The following PDE7B variants were observed in gnomAD, a reference collection of about 807,000 sequenced individuals.
The protein encoded by PDE7B is 3',5'-cyclic-AMP phosphodiesterase 7B.
A neutral mutation model predicts 56.2 loss-of-function variants in PDE7B; 29 were observed. The ratio of observed to expected loss-of-function variants is 0.52; its 90% CI spans 0.38 to 0.70. The LOEUF (loss-of-function observed/expected upper bound fraction) is 0.70, where lower values mean the gene tolerates loss of function less well. PDE7B is among the 30% of genes least tolerant of loss of function. The pLI, the probability that PDE7B is intolerant of heterozygous loss-of-function variation, is 0.00. For missense variants in PDE7B, 490 were observed against 565.0 expected (o/e 0.87, Z 1.35); for synonymous variants, 197 against 196.9 (o/e 1.00, Z 0.00).
At chr6:136,145,821 A>T (rs768701378) in intron 3 of PDE7B, among the ~76,000 whole-genome samples, 1 of 151,958 alleles carries the variant, frequency 6.6e-6, no homozygotes, top group Non-Finnish European at 1.5e-5. Flanking sequence ...GGACTTTTTG[A>T]TCCTTTTCTC....
At chr6:136,151,626 T>A (rs80140419) in intron 6 of PDE7B, among the ~76,000 whole-genome samples, 4,195 of 138,756 alleles carry the variant, frequency 0.03, 78 homozygotes, top group Non-Finnish European at 0.044. Context: ...GTATTATGTA[T>A]TGTATTCTTA....
chr6:135,857,588 G>A (rs999180709), intron 1 of PDE7B, among the ~76,000 whole-genome samples: 5 of 151,998 alleles, frequency 3.3e-5, no homozygotes, highest in South Asian at 2.1e-4. Flanking sequence ...GGTACCAAAC[G>A]GTCAGTGTTT....
At chr6:136,074,852 G>A (rs916763063) in intron 2 of PDE7B, among the ~76,000 whole-genome samples, 5 of 152,200 alleles carry the variant, frequency 3.3e-5, no homozygotes, top group Non-Finnish European at 7.4e-5. Flanking sequence ...AGTTGCTTCC[G>A]TATCTTGGCT....
chr6:135,977,870 C>T (rs935809711), intron 2 of PDE7B, among the ~76,000 whole-genome samples: 6 of 151,868 alleles, frequency 4.0e-5, no homozygotes, highest in East Asian at 1.9e-4. Flanking sequence ...ATGGCAAAAC[C>T]GCAATTACTT....
intron 2 of PDE7B, among the ~76,000 whole-genome samples, chr6:136,062,427 A>G (rs1776860585): frequency 6.6e-6 from 1 of 152,218 alleles, no homozygotes; most frequent in African/African-American, 2.4e-5. Flanking sequence ...AGTATAGAAT[A>G]CATTTTTTAA....
At chr6:136,052,344 T>C (rs910249348) in intron 2 of PDE7B, among the ~76,000 whole-genome samples, 1 of 152,244 alleles carries the variant, frequency 6.6e-6, no homozygotes, top group Non-Finnish European at 1.5e-5. Flanking sequence ...AAGATATTTT[T>C]CCTGGCTTCG....
rs193278632 is a variant in PDE7B at position 136,115,680 on chromosome 6, G to C, written c.166+6866G>C. Among the ~76,000 whole-genome samples the C allele has an allele frequency of 4.8e-4, 73 of 152,288 alleles. 1 individual carries two copies. The Middle Eastern group carries it at 0.01, about 21-fold the overall frequency. ...GGATGAAAAATAGAAAATTGAGTTA[G>C]GGAGTCCAGTACTTCCTCTGGGTTT... On this transcript the variant is annotated intron_variant, in intron 3 of 12. Coordinates refer to ENST00000308191, the MANE Select transcript of PDE7B (RefSeq NM_018945.4).
chr6:135,963,039 C>T (rs1774934582), intron 2 of PDE7B, among the ~76,000 whole-genome samples: 1 of 152,148 alleles, frequency 6.6e-6, no homozygotes. Flanking sequence ...GGTGAGAGCT[C>T]ATTGCACAAA....
intron 2 of PDE7B, among the ~76,000 whole-genome samples, chr6:135,957,343 C>T (rs988253266): frequency 1.3e-5 from 2 of 152,086 alleles, no homozygotes; most frequent in African/African-American, 4.8e-5. Context: ...AAATGTGGAG[C>T]AGTTTTGAGG....
chr6:135,906,813 T>TTTTTTTTTTTTTTGTTTG (rs1776116358), intron 1 of PDE7B, among the ~76,000 whole-genome samples: 2 of 109,350 alleles, frequency 1.8e-5, no homozygotes, highest in African/African-American at 1.0e-4. Flanking sequence ...GAGGTTTGTT[T>TTTTTTTTTTTTTTGTTTG]TTTTTTTTTT....
chr6:136,146,890 A>G (rs993930394), intron 3 of PDE7B, among the ~76,000 whole-genome samples: 2 of 152,324 alleles, frequency 1.3e-5, no homozygotes, highest in Admixed American at 1.3e-4. Flanking sequence ...AATACTAGTT[A>G]GGCCGGGTGC....
intron 2 of PDE7B, among the ~76,000 whole-genome samples, chr6:135,971,039 A>G (rs1278484263): frequency 6.6e-6 from 1 of 152,146 alleles, no homozygotes; most frequent in African/African-American, 2.4e-5. Flanking sequence ...GTGTCCTGCC[A>G]AGATTCCCAT....
In PDE7B at chr6:135,960,522, A is replaced by G. The variant is rs115837048; in HGVS notation, c.82+12998A>G. 9.1e-3 allele frequency among the ~76,000 whole-genome samples: 1,387 copies of G among 152,334 alleles called. 16 individuals are homozygous for G. Among genetic ancestry groups the G allele is most frequent in the Middle Eastern group, 0.034 (10 of 294 alleles). On this transcript the variant is annotated intron_variant, in intron 2 of 12. Transcript: ENST00000308191. ...CTCAACAATTGAAATGGTAGTTTAT[A>G]TACTTACTGGCACCTCTAATTCTCC...
chr6:136,086,370 TG>T (rs1210133525), intron 2 of PDE7B, among the ~76,000 whole-genome samples: 1 of 148,876 alleles, frequency 6.7e-6, no homozygotes, highest in African/African-American at 2.5e-5. Context: ...TTTTTTGGGG[TG>T]GGGGGGATTT....
chr6:136,163,191 C>G (rs990233442), intron 8 of PDE7B, among the ~76,000 whole-genome samples: 1 of 152,236 alleles, frequency 6.6e-6, no homozygotes, highest in Non-Finnish European at 1.5e-5. Context: ...TCTGCCCCTA[C>G]AGAAACTCAT....
At chr6:135,876,815 C>T (rs779769315) in intron 1 of PDE7B, among the ~76,000 whole-genome samples, 15 of 151,840 alleles carry the variant, frequency 9.9e-5, no homozygotes, top group African/African-American at 3.1e-4. Flanking sequence ...GCTGAGATTG[C>T]GCCACTGCGC....
intron 2 of PDE7B, among the ~76,000 whole-genome samples, chr6:136,085,755 A>G (rs541471504): frequency 4.7e-4 from 72 of 152,316 alleles, no homozygotes; most frequent in African/African-American, 1.6e-3. Flanking sequence ...GGACAGCTCC[A>G]CTTCCAATAC....
At chr6:136,169,068 ACT>A (rs1778841897) in intron 8 of PDE7B, among the ~76,000 whole-genome samples, 1 of 152,056 alleles carries the variant, frequency 6.6e-6, no homozygotes, top group Non-Finnish European at 1.5e-5. Context: ...TTCCTCAGCT[ACT>A]CACTAGCTCT....
At chr6:136,070,061 C>T (rs983542527) in intron 2 of PDE7B, among the ~76,000 whole-genome samples, 3 of 151,386 alleles carry the variant, frequency 2.0e-5, no homozygotes, top group African/African-American at 7.3e-5. Flanking sequence ...TATTAAGTTG[C>T]AGGGAACTGA....
Sources: gnomAD v4.1 joint callset for allele counts (sites outside exome capture counted in the v4.1 genomes callset) on GRCh38, gnomAD v4.1.1 for gene constraint, MANE v1.5 for transcripts, NCBI Gene and HGNC (gene_info 2026-07-23, HGNC 2026-07-21) for gene names.